CCDC7: variants seen among roughly 807,000 people sequenced by gnomAD.
CCDC7 encodes coiled-coil domain containing 7.
In CCDC7, 183 loss-of-function variants were observed where a neutral mutation model predicts 196.9. The observed-to-expected ratio is 0.93, with a 90% confidence interval of 0.82 to 1.05. The LOEUF is 1.05. Among genes scored for constraint, CCDC7 ranks in the 50% least tolerant of loss-of-function variants. The probability of loss-of-function intolerance (pLI) is 0.00; values close to 1 mark genes in which losing one functional copy is unlikely to be tolerated. For missense variants in CCDC7, 1,540 were observed against 1,482.2 expected (o/e 1.04, Z -0.64); for synonymous variants, 525 against 484.6 (o/e 1.08, Z -1.10).
chr10:32,596,977 G>A (rs1246900204), intron 18 of CCDC7, among the ~76,000 whole-genome samples: 3 of 151,946 alleles, frequency 2.0e-5, no homozygotes, highest in South Asian at 4.2e-4. Context: ...TCATTTCAAC[G>A]TTGGTGAATT....
intron 11 of CCDC7, among the ~76,000 whole-genome samples, chr10:32,524,652 C>T (rs2048385810): frequency 6.6e-6 from 1 of 152,150 alleles, no homozygotes; most frequent in Non-Finnish European, 1.5e-5. Flanking sequence ...GCCAGCTATA[C>T]TATTCTAGGG....
intron 20 of CCDC7, among the ~76,000 whole-genome samples, chr10:32,659,140 G>T (rs890423750): frequency 2.6e-5 from 4 of 151,982 alleles, no homozygotes; most frequent in South Asian, 4.2e-4. Flanking sequence ...TGGATTTGAG[G>T]TCTTTCTTTT....
At chr10:32,758,598 T>C (rs1344197061) in intron 28 of CCDC7, among the ~76,000 whole-genome samples, 1 of 152,100 alleles carries the variant, frequency 6.6e-6, no homozygotes, top group Non-Finnish European at 1.5e-5. Flanking sequence ...GGGACATATC[T>C]CAAAATAATG....
chr10:32,542,112 T>C (rs1193833879), intron 11 of CCDC7, among the ~76,000 whole-genome samples: 1 of 152,214 alleles, frequency 6.6e-6, no homozygotes, highest in African/African-American at 2.4e-5. Context: ...TCAGCTATCT[T>C]GTCCAAACGT....
At chr10:32,879,415 G>T (rs559179469), downstream of CCDC7, among the ~76,000 whole-genome samples, 1 of 152,154 alleles carries the variant, frequency 6.6e-6, no homozygotes, top group East Asian at 1.9e-4. Flanking sequence ...TCTGCTGGAG[G>T]TCGTTGCTCG....
chr10:32,699,314 T>G (rs899885694), intron 24 of CCDC7, among the ~76,000 whole-genome samples: 1 of 151,200 alleles, frequency 6.6e-6, no homozygotes, highest in South Asian at 2.1e-4. Context: ...TTTGGTTTTT[T>G]GTCCTTGCCA....
At position 32,564,963 on chromosome 10, in the gene CCDC7, C is replaced by T. The variant is rs535463014; in HGVS notation, c.1135-595C>T. 4.6e-5 allele frequency among the ~76,000 whole-genome samples: 7 copies of T among 152,176 alleles called. No individual in the cohort carries two copies. In the South Asian group the frequency reaches 1.2e-3, roughly 27 times the overall value. On this transcript the variant is annotated intron_variant, in intron 13 of 41. Coordinates refer to ENST00000639629, the Ensembl canonical transcript of CCDC7. ...CTGCACTCTAGCCTGGGTAACAGAGCAAGACCCTGTCTCTTAAAAAGAAAA... is the reference window on the plus strand; with the variant it reads ...CTGCACTCTAGCCTGGGTAACAGAGTAAGACCCTGTCTCTTAAAAAGAAAA...
intron 22 of CCDC7, among the ~76,000 whole-genome samples, chr10:32,687,356 A>C (rs553335718): frequency 4.6e-5 from 7 of 152,204 alleles, no homozygotes; most frequent in Admixed American, 2.0e-4. Flanking sequence ...CACATGCTTC[A>C]CTAAAATGAC....
chr10:32,677,300 G>T (rs1032833916), intron 21 of CCDC7, among the ~76,000 whole-genome samples: 2 of 151,576 alleles, frequency 1.3e-5, no homozygotes, highest in African/African-American at 4.9e-5. Flanking sequence ...CACCAGCATG[G>T]CACATGTATA....
At chr10:32,729,047 T>C (rs1260150740) in intron 27 of CCDC7, 50 bp downstream of exon 28, 14 of 1,247,844 alleles carry the variant, frequency 1.1e-5, no homozygotes, top group Non-Finnish European at 1.6e-5. Flanking sequence ...GTTGAACTCA[T>C]CAGATCTTTT....
intron 30 of CCDC7, among the ~76,000 whole-genome samples, chr10:32,810,434 A>G (rs1283210170): frequency 1.3e-5 from 2 of 152,306 alleles, no homozygotes; most frequent in Non-Finnish European, 2.9e-5. Flanking sequence ...TAATTATTAT[A>G]TAATGATAAA....
chr10:32,652,459 T>A (rs2068950772), intron 20 of CCDC7, among the ~76,000 whole-genome samples: 1 of 152,170 alleles, frequency 6.6e-6, no homozygotes, highest in African/African-American at 2.4e-5. Flanking sequence ...TTGTTGCTAA[T>A]TTTACTGTTG....
chr10:32,771,572 C>G (rs1300544682), intron 28 of CCDC7, among the ~76,000 whole-genome samples: 1 of 152,074 alleles, frequency 6.6e-6, no homozygotes, highest in African/African-American at 2.4e-5. Context: ...TTCTAACTGC[C>G]CAGTGAAGTT....
At chr10:32,713,974 T>C (rs1219880718) in intron 25 of CCDC7, among the ~76,000 whole-genome samples, 1 of 152,236 alleles carries the variant, frequency 6.6e-6, no homozygotes, top group African/African-American at 2.4e-5. Flanking sequence ...TTATCATCTG[T>C]TCTTTTCACT....
intron 1 of CCDC7, 85 bp from the exon 3 acceptor site, chr10:32,453,259 A>T: frequency 9.7e-7 from 1 of 1,028,332 alleles, no homozygotes. Context: ...AGGTCCTGGC[A>T]TAATTGATTA....
At chr10:32,617,727 A>T (rs1387061365) in intron 18 of CCDC7, among the ~76,000 whole-genome samples, 2 of 151,950 alleles carry the variant, frequency 1.3e-5, no homozygotes, top group African/African-American at 4.8e-5. Context: ...TCTACCTTGG[A>T]GAATATTCTA....
At chr10:32,576,331 A>G (rs1421669088) in intron 16 of CCDC7, among the ~76,000 whole-genome samples, 1 of 151,576 alleles carries the variant, frequency 6.6e-6, no homozygotes, top group Non-Finnish European at 1.5e-5. Flanking sequence ...AAAGGAGTAT[A>G]CTATTCCTCT....
At position 32,798,148 on chromosome 10, in the gene CCDC7, G is replaced by T. The variant is rs531950530; in HGVS notation, c.3014-6867G>T. Among the ~76,000 whole-genome samples, 231 of 152,330 alleles carry T rather than the reference G, an allele frequency of 1.5e-3. 1 individual carries two copies. The highest frequency in any genetic ancestry group is 0.01 in the Middle Eastern group (3 of 294). On this transcript the variant is annotated intron_variant, in intron 29 of 41. Coordinates refer to ENST00000639629, the Ensembl canonical transcript of CCDC7. The stretch of plus-strand genomic sequence containing the variant: ...ATAGGCAAACGCATAACTGGAGTAC[G>T]TGTCTATTCTGGTGAGGACAAACCT...
chr10:32,761,998 G>A (rs538899506), intron 28 of CCDC7, among the ~76,000 whole-genome samples: 10 of 152,022 alleles, frequency 6.6e-5, no homozygotes, highest in East Asian at 1.9e-4. Flanking sequence ...GTGGTTGAGC[G>A]ACTCCTACAC....
Sources: allele counts gnomAD v4.1 joint callset (sites outside exome capture counted in the v4.1 genomes callset), GRCh38; gene constraint gnomAD v4.1.1; transcripts MANE v1.5; gene names NCBI Gene and HGNC (gene_info 2026-07-23, HGNC 2026-07-21).